The following MID1 variants were observed in gnomAD, a reference collection of about 807,000 sequenced individuals.
MID1 encodes midline 1.
Under a neutral mutation model 40.4 loss-of-function variants are expected in MID1, and 7 were observed. The ratio of observed to expected loss-of-function variants is 0.17; its 90% confidence interval spans 0.10 to 0.33. The LOEUF (loss-of-function observed/expected upper bound fraction) is 0.33, where lower values mean the gene tolerates loss of function less well. MID1 is among the 10% of genes least tolerant of loss of function. The probability of loss-of-function intolerance (pLI) is 1.00; values close to 1 mark genes in which losing one functional copy is unlikely to be tolerated. For missense variants in MID1, 367 were observed against 558.5 expected (o/e 0.66, Z 3.46); for synonymous variants, 229 against 221.2 (o/e 1.04, Z -0.31).
intron 9 of MID1, among the ~76,000 whole-genome samples, chrX:10,453,328 G>T: frequency 9.0e-6 from 1 of 111,668 alleles, no homozygotes; most frequent in South Asian, 3.7e-4. Context: ...GGTTTGAATT[G>T]AAAGGTTTTT....
intron 3 of MID1, chrX:10,501,321 A>T: frequency 1.1e-6 from 1 of 922,739 alleles, no homozygotes; most frequent in East Asian, 3.4e-5. Context: ...CTCATGAGCA[A>T]ATATCACATT....
At chrX:10,777,343 G>A (rs2043810257) in intron 1 of MID1, among the ~76,000 whole-genome samples, 2 of 96,979 alleles carry the variant, frequency 2.1e-5, no homozygotes, top group South Asian at 1.1e-3. Context: ...GACTACAGGC[G>A]CCCGCCACCA....
At chrX:10,673,779 T>C (rs1314787742) in intron 1 of MID1, among the ~76,000 whole-genome samples, 1 of 111,457 alleles carries the variant, frequency 9.0e-6, no homozygotes. Context: ...GTGGCATGAA[T>C]TTATTCTTAA....
chrX:10,533,327 G>GAAAGGAAA (rs1491431073), intron 2 of MID1, among the ~76,000 whole-genome samples: 6 of 47,819 alleles, frequency 1.3e-4, no homozygotes, highest in African/African-American at 3.4e-4. Flanking sequence ...AAGAAAGAAA[G>GAAAGGAAA]GAAAGAAAGA....
chrX:10,630,474 G>C (rs757030492), intron 1 of MID1, among the ~76,000 whole-genome samples: 146 of 109,852 alleles, frequency 1.3e-3, no homozygotes, highest in Non-Finnish European at 2.3e-3. Flanking sequence ...GGAGCAGAGG[G>C]AGGAAGCACT....
intron 1 of MID1, among the ~76,000 whole-genome samples, chrX:10,567,843 TTC>T (rs1934614290): frequency 8.9e-6 from 1 of 112,070 alleles, no homozygotes; most frequent in African/African-American, 3.2e-5. Flanking sequence ...AATTTTTTTT[TTC>T]AATTTTGTTT....
In MID1 at chrX:10,495,710, G is replaced by A. The variant is rs1395611776; in HGVS notation, c.757-19C>T. On this transcript the variant is annotated intron_variant, in intron 3 of 9. Transcript: ENST00000317552. The stretch of plus-strand genomic sequence containing the variant: ...CATTGACCTACAGGATAAGTACAAT[G>A]GTAAGTGTTAATTTGGCCTTTGTTT... The A allele has an allele frequency of 2.7e-6, 3 of 1,102,691 alleles. No individual in the cohort carries two copies. The highest frequency in any genetic ancestry group is 3.7e-5 in the South Asian group (2 of 54,568). The allele number at this position is 1,102,691 out of a possible 1,213,427, so 90.9% of individuals were successfully genotyped here. A position where few individuals can be genotyped will look rare whatever the true frequency, so the allele number is the denominator to read the frequency against.
intron 2 of MID1, among the ~76,000 whole-genome samples, chrX:10,547,658 A>G (rs190093618): frequency 9.1e-6 from 1 of 109,581 alleles, no homozygotes; most frequent in East Asian, 2.8e-4. Flanking sequence ...GAGAAAAGAA[A>G]AGAAAAAAAG....
chrX:10,707,967 G>A (rs1251113649), intron 1 of MID1, among the ~76,000 whole-genome samples: 1 of 113,083 alleles, frequency 8.8e-6, no homozygotes, highest in African/African-American at 3.2e-5. Context: ...ATTTGGGGGA[G>A]ATTATTTATA....
intron 1 of MID1, among the ~76,000 whole-genome samples, chrX:10,801,446 C>T (rs2044006740): frequency 8.9e-6 from 1 of 112,005 alleles, no homozygotes; most frequent in African/African-American, 3.2e-5. Context: ...TCTCAGTAAT[C>T]ACAATGCAGC....
upstream of MID1, among the ~76,000 whole-genome samples, chrX:10,625,224 AG>A (rs1935983712): frequency 9.0e-6 from 1 of 111,681 alleles, no homozygotes; most frequent in Non-Finnish European, 1.9e-5. Context: ...CTCCTTCCTC[AG>A]GGAAACCTCG....
At chrX:10,771,367 A>G (rs1313130152) in intron 1 of MID1, among the ~76,000 whole-genome samples, 1 of 111,465 alleles carries the variant, frequency 9.0e-6, no homozygotes, top group Non-Finnish European at 1.9e-5. Flanking sequence ...AGAAGTATAA[A>G]CTTCTCATAT....
intron 1 of MID1, among the ~76,000 whole-genome samples, chrX:10,694,335 A>G (rs1476004894): frequency 9.0e-6 from 1 of 111,519 alleles, no homozygotes; most frequent in East Asian, 2.8e-4. Context: ...CCTTTTCTCC[A>G]CTCTTTATTT....
At chrX:10,521,450 A>C (rs1224857377) in intron 3 of MID1, among the ~76,000 whole-genome samples, 2 of 111,583 alleles carry the variant, frequency 1.8e-5, no homozygotes, top group Admixed American at 1.9e-4. Flanking sequence ...GATACACAAG[A>C]AGCATTCTGA....
intron 1 of MID1, among the ~76,000 whole-genome samples, chrX:10,723,237 T>C (rs1022727677): frequency 1.8e-5 from 2 of 112,098 alleles, no homozygotes; most frequent in Non-Finnish European, 3.8e-5. Flanking sequence ...ATTTTCTCAC[T>C]ATCTGGACAA....
rs752886013 is a variant in MID1 at position 10,788,668 on chromosome X, T to C, written c.-187+44886A>G. 3.7e-5 allele frequency among the ~76,000 whole-genome samples: 4 copies of C among 109,146 alleles called. No homozygotes were observed. In the South Asian group the frequency reaches 1.5e-3, roughly 42 times the overall value. 94.8% of individuals were successfully genotyped at this position (109,146 alleles called of 115,157 possible). A position where few individuals can be genotyped will look rare whatever the true frequency, so the allele number is the denominator to read the frequency against. ...ATACCTGGAGACATTTTGGTTGTCATAGTTTGGGGGTGGATGTTACTGGCA... is the reference window on the plus strand; with the variant it reads ...ATACCTGGAGACATTTTGGTTGTCACAGTTTGGGGGTGGATGTTACTGGCA... On this transcript the variant is annotated intron_variant, in intron 1 of 10. Coordinates refer to the MID1 transcript ENST00000380785.
At chrX:10,692,184 CT>C (rs1602519854) in intron 1 of MID1, among the ~76,000 whole-genome samples, 1 of 111,540 alleles carries the variant, frequency 9.0e-6, no homozygotes, top group Non-Finnish European at 1.9e-5. Context: ...TTGTGACTTA[CT>C]TCCTGTTCGT....
At chrX:10,713,702 T>C (rs1467403502) in intron 1 of MID1, among the ~76,000 whole-genome samples, 1 of 111,846 alleles carries the variant, frequency 8.9e-6, no homozygotes, top group African/African-American at 3.3e-5. Flanking sequence ...CTCAACAACT[T>C]TAACTAAAGA....
chrX:10,462,798 CAT>C (rs1929127892), intron 7 of MID1, among the ~76,000 whole-genome samples: 1 of 111,740 alleles, frequency 8.9e-6, no homozygotes, highest in Admixed American at 9.5e-5. Flanking sequence ...AAAAATGTCA[CAT>C]GATGTGGACA....
Sources: gnomAD v4.1 joint callset for allele counts (sites outside exome capture counted in the v4.1 genomes callset) on GRCh38, gnomAD v4.1.1 for gene constraint, MANE v1.5 for transcripts, NCBI Gene and HGNC (gene_info 2026-07-23, HGNC 2026-07-21) for gene names.